The following SYT9 variants were observed in gnomAD, a reference collection of about 807,000 sequenced individuals.
SYT9 encodes synaptotagmin-9.
SYT9 carries 22 observed loss-of-function variants against 48.4 expected under a neutral mutation model. The ratio of observed to expected loss-of-function variants is 0.45; its 90% CI spans 0.32 to 0.65. The LOEUF (loss-of-function observed/expected upper bound fraction) is 0.65. Ranked by LOEUF, SYT9 falls within the 30% of genes least tolerant of loss-of-function variation. The pLI, the probability that SYT9 is intolerant of heterozygous loss-of-function variation, is 0.03. For synonymous variants in SYT9, 265 were observed against 245.0 expected, an observed-to-expected ratio of 1.08 and a Z score of -0.76; for missense variants, 577 against 622.0, an observed-to-expected ratio of 0.93 and a Z score of 0.77.
intron 1 of SYT9, among the ~76,000 whole-genome samples, chr11:7,261,889 A>T (rs1281874654): frequency 3.9e-5 from 6 of 152,166 alleles, no homozygotes; most frequent in African/African-American, 4.8e-5. Flanking sequence ...AAGCCATTTT[A>T]AAAAAGTGAC....
intron 6 of SYT9, among the ~76,000 whole-genome samples, chr11:7,442,050 C>T (rs886878847): frequency 7.2e-5 from 11 of 152,144 alleles, no homozygotes; most frequent in African/African-American, 2.7e-4. Context: ...CAAGCCAGCA[C>T]AGACACCACA....
intron 6 of SYT9, among the ~76,000 whole-genome samples, chr11:7,424,054 C>T (rs1020910880): frequency 3.3e-5 from 5 of 152,042 alleles, no homozygotes; most frequent in African/African-American, 1.2e-4. Context: ...GGGAGGCTGG[C>T]CTGGCAGAAG....
chr11:7,241,951 T>C (rs1847745352), intron 1 of SYT9, among the ~76,000 whole-genome samples: 1 of 152,254 alleles, frequency 6.6e-6, no homozygotes, highest in Non-Finnish European at 1.5e-5. Flanking sequence ...ACTAGCTATG[T>C]GACTTTGGGC....
chr11:7,268,358 T>C (rs1457581085), intron 1 of SYT9, among the ~76,000 whole-genome samples: 4 of 151,950 alleles, frequency 2.6e-5, no homozygotes, highest in Admixed American at 2.6e-4. Flanking sequence ...GTAAAAACTA[T>C]ACTGTGGCAT....
chr11:7,254,490 C>G (rs1350361976), intron 1 of SYT9, among the ~76,000 whole-genome samples: 1 of 152,188 alleles, frequency 6.6e-6, no homozygotes, highest in Non-Finnish European at 1.5e-5. Context: ...CTTCATCCCT[C>G]TGAAGCAAGA....
intron 3 of SYT9, among the ~76,000 whole-genome samples, chr11:7,324,747 T>C (rs1849397838): frequency 2.6e-5 from 4 of 152,034 alleles, no homozygotes; most frequent in Admixed American, 2.6e-4. Context: ...TTGGATAATA[T>C]GGAGTGTATT....
intron 3 of SYT9, among the ~76,000 whole-genome samples, chr11:7,319,611 T>C (rs1439549067): frequency 1.3e-5 from 2 of 152,194 alleles, no homozygotes; most frequent in South Asian, 2.1e-4. Flanking sequence ...TTTCTTATGG[T>C]AGTGCAAGTT....
intron 3 of SYT9, among the ~76,000 whole-genome samples, chr11:7,364,601 A>G (rs1850206708): frequency 6.6e-6 from 1 of 152,186 alleles, no homozygotes; most frequent in South Asian, 2.1e-4. Context: ...ACTAATTTGA[A>G]AAATTAAAAG....
intron 6 of SYT9, among the ~76,000 whole-genome samples, chr11:7,434,133 T>C (rs990360002): frequency 5.3e-5 from 8 of 152,210 alleles, no homozygotes; most frequent in Non-Finnish European, 1.2e-4. Flanking sequence ...TCTTCTGCTG[T>C]GCCATGAATT....
chr11:7,314,767 C>T (rs1398321962), intron 3 of SYT9, among the ~76,000 whole-genome samples: 1 of 152,188 alleles, frequency 6.6e-6, no homozygotes, highest in Non-Finnish European at 1.5e-5. Context: ...GTCCAAATTC[C>T]CTGAGATAAC....
intron 6 of SYT9, among the ~76,000 whole-genome samples, chr11:7,432,972 G>A (rs991235473): frequency 6.6e-6 from 1 of 152,062 alleles, no homozygotes; most frequent in Admixed American, 6.6e-5. Context: ...TTAAATATTT[G>A]TCCCTGCCCA....
At position 7,416,068 on chromosome 11, in the gene SYT9, G is replaced by A. The variant is rs762720343; in HGVS notation, c.1071G>A (p.Met357Ile). 1.2e-6 allele frequency: 2 copies of A among 1,614,156 alleles called. No homozygotes were observed. The highest frequency in any genetic ancestry group is 1.7e-6 in the Non-Finnish European group (2 of 1,180,024). Residue 357 changes from methionine (M) to isoleucine (I), a missense_variant, in exon 4 of 7, where the codon ATG becomes ATA. Transcript: ENST00000318881. ...ACAACGTGGATCTGGGAGAGCTGAT[G>A]TTTTCCCTGTGCTATCTTCCAACGG... ...TNDNVDLGEL[M>I]FSLCYLPTAG...
At chr11:7,288,053 C>T (rs1848629065) in intron 1 of SYT9, among the ~76,000 whole-genome samples, 1 of 152,086 alleles carries the variant, frequency 6.6e-6, no homozygotes, top group African/African-American at 2.4e-5. Flanking sequence ...CAGAGATGCT[C>T]CCTACACTTA....
Position 7,252,221 on chromosome 11 carries a change from C to T in SYT9, c.35C>T (p.Ala12Val), listed in dbSNP as rs1254899373. The T allele has an allele frequency of 6.7e-7, 1 of 1,490,796 alleles. No homozygotes were observed. The highest frequency in any genetic ancestry group is 8.9e-7 in the Non-Finnish European group (1 of 1,121,086). The allele number at this position is 1,490,796 out of a possible 1,614,324, so 92.3% of individuals were successfully genotyped here. ...PGARDALCHQ[A>V]LQLLAELCAR... ...GCCAGGGACGCGCTCTGTCACCAGG[C>T]GCTGCAGCTGCTGGCCGAGCTCTGT... is the stretch of plus-strand genomic sequence containing the variant. Residue 12 changes from alanine to valine, a missense_variant, in exon 1 of 7, where the codon GCG becomes GTG. Physicochemically the swap from Ala to Val is moderately conservative, Grantham distance 64. Coordinates refer to ENST00000318881, the MANE Select transcript of SYT9 (RefSeq NM_175733.4). The surrounding 1 kb of genome is among the most constrained non-coding windows in gnomAD (Gnocchi z 6.3).
intron 2 of SYT9, among the ~76,000 whole-genome samples, chr11:7,306,382 A>C (rs1455074354): frequency 6.6e-6 from 1 of 151,964 alleles, no homozygotes; most frequent in Non-Finnish European, 1.5e-5. Flanking sequence ...CACACCACAA[A>C]CCCCTTATCA....
intron 1 of SYT9, among the ~76,000 whole-genome samples, chr11:7,276,264 C>G (rs1019255011): frequency 2.0e-5 from 3 of 152,188 alleles, no homozygotes; most frequent in Non-Finnish European, 4.4e-5. Context: ...GATCTGTCTT[C>G]TATCTCTGTC....
intron 1 of SYT9, among the ~76,000 whole-genome samples, chr11:7,264,569 A>G (rs1848141580): frequency 6.6e-6 from 1 of 152,106 alleles, no homozygotes; most frequent in Non-Finnish European, 1.5e-5. Flanking sequence ...GGTAGGATTA[A>G]TGGATTGTAG....
chr11:7,408,673 GT>G (rs1847073073), intron 3 of SYT9, among the ~76,000 whole-genome samples: 1 of 152,130 alleles, frequency 6.6e-6, no homozygotes, highest in Admixed American at 6.6e-5. Flanking sequence ...ATTTTTGTAT[GT>G]TGATTTGCAT....
At position 7,417,994 on chromosome 11, in the gene SYT9, A is replaced by C; in HGVS notation, c.1203A>C (p.Arg401Ser). 1 of 1,614,172 alleles carries C rather than the reference A, an allele frequency of 6.2e-7. No homozygotes were observed. Among genetic ancestry groups the C allele is most frequent in the East Asian group, 2.2e-5 (1 of 44,884 alleles). The change falls in exon 5 of 7, where the codon AGA becomes AGC. Residue 401 changes from arginine to serine, a missense_variant. Physicochemically the swap from Arg to Ser is moderately radical, Grantham distance 110 (BLOSUM62 -1). Coordinates refer to ENST00000318881, the MANE Select transcript of SYT9 (RefSeq NM_175733.4). Reference sequence around the variant, plus strand: ...AAGTCTCGCTGATGTGTGATGGCAGACGACTGAAGAAGAGGAAAACATCCA... The same window carrying C: ...AAGTCTCGCTGATGTGTGATGGCAGCCGACTGAAGAAGAGGAAAACATCCA... ...YVKVSLMCDG[R>S]RLKKRKTSTK...
Sources: gnomAD v4.1 joint callset for allele counts (sites outside exome capture counted in the v4.1 genomes callset) on GRCh38, gnomAD v4.1.1 for gene constraint, Gnocchi (gnomAD v3.1) non-coding constraint, MANE v1.5 for transcripts, NCBI Gene and HGNC (gene_info 2026-07-23, HGNC 2026-07-21) for gene names.